The following TRAF3 variants were observed in gnomAD, a reference collection of about 807,000 sequenced individuals.
TRAF3 encodes TNF receptor associated factor 3.
Under a neutral mutation model 62.3 loss-of-function variants are expected in TRAF3, and 13 were observed. The observed-to-expected ratio is 0.21, with a 90% CI of 0.14 to 0.33. The LOEUF is 0.33. Ranked by LOEUF, TRAF3 falls within the 10% of genes least tolerant of loss-of-function variation. The probability of loss-of-function intolerance (pLI) is 1.00; values close to 1 mark genes in which losing one functional copy is unlikely to be tolerated. For missense variants in TRAF3, 440 were observed against 741.8 expected (o/e 0.59, Z 4.73); for synonymous variants, 269 against 283.4 (o/e 0.95, Z 0.51).
At chr14:102,781,780 C>T (rs180857543) in intron 1 of TRAF3, among the ~76,000 whole-genome samples, 5,756 of 150,664 alleles carry the variant, frequency 0.038, 156 homozygotes, top group Middle Eastern at 0.09. Context: ...GCGCCTGCCA[C>T]CACGCTTGGC....
At chr14:102,819,118 C>T (rs1899737023) in intron 1 of TRAF3, among the ~76,000 whole-genome samples, 1 of 151,964 alleles carries the variant, frequency 6.6e-6, no homozygotes, top group Non-Finnish European at 1.5e-5. Flanking sequence ...CTTCCATCAC[C>T]CCAGCCCTGC....
chr14:102,868,287 A>G (rs375056322), intron 2 of TRAF3, among the ~76,000 whole-genome samples: 1 of 152,162 alleles, frequency 6.6e-6, no homozygotes, highest in Non-Finnish European at 1.5e-5. Context: ...GAAAAATCCT[A>G]TAGTGCAGCA....
At chr14:102,889,427 G>T in intron 7 of TRAF3, 133 bp from the exon 8 acceptor site, 2 of 884,862 alleles carry the variant, frequency 2.3e-6, no homozygotes, top group Non-Finnish European at 3.8e-6. Flanking sequence ...CTAGGCAGCA[G>T]ATGATATATA....
At chr14:102,856,853 A>G (rs1887402727) in intron 2 of TRAF3, among the ~76,000 whole-genome samples, 1 of 152,170 alleles carries the variant, frequency 6.6e-6, no homozygotes. Context: ...TCTTGTATTC[A>G]GGGTAGAGAA....
At chr14:102,829,025 C>T (rs532876080) in intron 1 of TRAF3, among the ~76,000 whole-genome samples, 1 of 152,272 alleles carries the variant, frequency 6.6e-6, no homozygotes, top group South Asian at 2.1e-4. Flanking sequence ...ATGTGTGGAG[C>T]TCTGTGTTTA....
chr14:102,883,656 G>C (rs1377974850), intron 6 of TRAF3, among the ~76,000 whole-genome samples: 2 of 152,098 alleles, frequency 1.3e-5, no homozygotes, highest in Non-Finnish European at 2.9e-5. Flanking sequence ...CACGATCTTG[G>C]CTCACTGTAA....
chr14:102,832,728 C>G (rs1885721336), intron 2 of TRAF3, among the ~76,000 whole-genome samples: 1 of 152,238 alleles, frequency 6.6e-6, no homozygotes, highest in South Asian at 2.1e-4. Context: ...CCCACTCTCT[C>G]TTATACACAC....
At chr14:102,876,673 T>C (rs1296069581) in intron 6 of TRAF3, 148 bp downstream of exon 6, 1 of 1,099,314 alleles carries the variant, frequency 9.1e-7, no homozygotes. Flanking sequence ...ACTCAGTTCA[T>C]AGATATTCCG....
chr14:102,804,123 C>A (rs1004022755), intron 1 of TRAF3, among the ~76,000 whole-genome samples: 3 of 151,910 alleles, frequency 2.0e-5, no homozygotes, highest in Non-Finnish European at 2.9e-5. Context: ...CCAGGAGGTC[C>A]ATACTGCAGT....
At chr14:102,895,250 A>G (rs957983156) in intron 9 of TRAF3, 2 of 353,946 alleles carry the variant, frequency 5.7e-6, no homozygotes, top group Non-Finnish European at 1.1e-5. Context: ...AAGGAAGGAA[A>G]GCCTTTGCGG....
intron 1 of TRAF3, among the ~76,000 whole-genome samples, chr14:102,792,577 CTT>C (rs879520508): frequency 7.0e-6 from 1 of 141,892 alleles, no homozygotes; most frequent in East Asian, 2.1e-4. Flanking sequence ...TGGCCACTGA[CTT>C]TTTTTTTTTA....
Position 102,908,836 on chromosome 14 carries a change from C to G in TRAF3, c.*3052C>G, listed in dbSNP as rs1181496398. On this transcript the variant is annotated 3_prime_UTR_variant, in exon 12 of 12. Coordinates refer to ENST00000392745, the MANE Select transcript of TRAF3 (RefSeq NM_145725.3). ...TTTCTTCAGGACACCGTGGCTCGGG[C>G]TGCTCCCTGCTGCCAGGCACGCTGG... is the stretch of plus-strand genomic sequence containing the variant. 6.6e-6 allele frequency: 1 copy of G among 152,320 alleles called. No individual in the cohort carries two copies. Among genetic ancestry groups the G allele is most frequent in the Non-Finnish European group, 1.5e-5 (1 of 68,082 alleles). The allele number at this position is 152,320 out of a possible 1,614,324, so 9.4% of individuals were successfully genotyped here.
intron 1 of TRAF3, among the ~76,000 whole-genome samples, chr14:102,818,070 T>G (rs545083741): frequency 6.6e-6 from 1 of 151,874 alleles, no homozygotes; most frequent in Non-Finnish European, 1.5e-5. Context: ...AGAGATGAGG[T>G]GGTGGAGGCA....
intron 9 of TRAF3, 129 bp downstream of exon 9, chr14:102,891,546 C>A: frequency 9.7e-7 from 1 of 1,027,672 alleles, no homozygotes; most frequent in Non-Finnish European, 1.4e-6. Context: ...TCAAAAAAAA[C>A]TCTGTGTGAT....
chr14:102,805,268 C>T (rs1208786320), intron 1 of TRAF3, among the ~76,000 whole-genome samples: 1 of 152,170 alleles, frequency 6.6e-6, no homozygotes, highest in African/African-American at 2.4e-5. Flanking sequence ...AGTGTGTGCT[C>T]TTCTTAGATG....
At chr14:102,803,823 A>G (rs899490036) in intron 1 of TRAF3, among the ~76,000 whole-genome samples, 4 of 152,216 alleles carry the variant, frequency 2.6e-5, no homozygotes, top group African/African-American at 7.2e-5. Context: ...ACTTGCAAGC[A>G]TCTGATGACT....
intron 1 of TRAF3, among the ~76,000 whole-genome samples, chr14:102,799,786 C>T (rs1898287091): frequency 6.6e-6 from 1 of 152,284 alleles, no homozygotes; most frequent in Non-Finnish European, 1.5e-5. Flanking sequence ...CTAAGTATTT[C>T]CTTCTGTCAG....
intron 1 of TRAF3, among the ~76,000 whole-genome samples, chr14:102,780,750 T>C (rs1459532104): frequency 6.6e-6 from 1 of 152,128 alleles, no homozygotes; most frequent in Non-Finnish European, 1.5e-5. Flanking sequence ...TGCCCTGAGT[T>C]CTCATAATGT....
At chr14:102,800,086 C>A (rs1166358480) in intron 1 of TRAF3, among the ~76,000 whole-genome samples, 5 of 152,160 alleles carry the variant, frequency 3.3e-5, no homozygotes, top group African/African-American at 1.2e-4. Context: ...TGATTTATTT[C>A]TCTTAATGGG....
Sources: allele counts gnomAD v4.1 joint callset (sites outside exome capture counted in the v4.1 genomes callset), GRCh38; gene constraint gnomAD v4.1.1; transcripts MANE v1.5; gene names NCBI Gene and HGNC (gene_info 2026-07-23, HGNC 2026-07-21).